Variants in NAALADL2 observed in about 807,000 individuals in gnomAD.
NAALADL2 encodes the protein N-acetylated alpha-linked acidic dipeptidase like 2.
Under a neutral mutation model 87.2 loss-of-function variants are expected in NAALADL2, and 76 were observed. That is an observed-to-expected ratio of 0.87 (90% CI 0.72 to 1.05). NAALADL2 has a LOEUF of 1.05. Among genes scored for constraint, NAALADL2 ranks in the 50% least tolerant of loss-of-function variants. The pLI, the probability that NAALADL2 is intolerant of heterozygous loss-of-function variation, is 0.00. For missense variants in NAALADL2, 1,089 were observed against 945.8 expected (o/e 1.15, Z -1.99); for synonymous variants, 354 against 331.0 (o/e 1.07, Z -0.75).
At chr3:175,516,751 G>A (rs1382203060) in intron 9 of NAALADL2, among the ~76,000 whole-genome samples, 8 of 152,122 alleles carry the variant, frequency 5.3e-5, no homozygotes, top group Non-Finnish European at 8.8e-5. Flanking sequence ...ATTTTATTCA[G>A]TTTTAATGAT....
intron 5 of NAALADL2, among the ~76,000 whole-genome samples, chr3:175,394,760 G>A (rs139422398): frequency 3.3e-5 from 5 of 152,232 alleles, no homozygotes; most frequent in Middle Eastern, 3.4e-3. Flanking sequence ...CAATCAGCAC[G>A]TTTCTGTTCA....
At chr3:175,290,450 G>A (rs1755514728) in intron 4 of NAALADL2, among the ~76,000 whole-genome samples, 1 of 152,102 alleles carries the variant, frequency 6.6e-6, no homozygotes, top group Admixed American at 6.6e-5. Context: ...TGGCAGTTGG[G>A]GTATTGACAG....
At chr3:174,858,468 T>G (rs905287621), upstream of NAALADL2, among the ~76,000 whole-genome samples, 1 of 152,082 alleles carries the variant, frequency 6.6e-6, no homozygotes, top group Non-Finnish European at 1.5e-5. Flanking sequence ...TAAGTTAATA[T>G]TCACCATGCT....
At chr3:174,984,299 G>A (rs1745522607) in intron 1 of NAALADL2, among the ~76,000 whole-genome samples, 1 of 152,130 alleles carries the variant, frequency 6.6e-6, no homozygotes, top group South Asian at 2.1e-4. Flanking sequence ...TTTGCTCAGG[G>A]ATCAGATGGT....
intron 11 of NAALADL2, among the ~76,000 whole-genome samples, chr3:175,679,192 A>G (rs1475636130): frequency 1.3e-5 from 2 of 151,286 alleles, no homozygotes; most frequent in African/African-American, 4.8e-5. Flanking sequence ...GGCCATCTGG[A>G]TGTATACCTG....
intron 11 of NAALADL2, among the ~76,000 whole-genome samples, chr3:175,635,056 G>A (rs898941166): frequency 5.9e-5 from 9 of 152,196 alleles, no homozygotes; most frequent in African/African-American, 1.4e-4. Context: ...ATATAGGTGT[G>A]TGTATTTTCC....
rs1176887571 is a variant in NAALADL2 at position 175,114,247 on chromosome 3, T to A, written c.545+16956T>A. Among the ~76,000 whole-genome samples the A allele has an allele frequency of 3.3e-5, 5 of 151,624 alleles. No homozygotes were observed. In the East Asian group the frequency reaches 7.8e-4, roughly 24 times the overall value. On this transcript the variant is annotated intron_variant, in intron 2 of 13. Coordinates refer to ENST00000454872, the MANE Select transcript of NAALADL2 (RefSeq NM_207015.3). ...CTCTGGAGAAAGAGAAGAATTCTCA[T>A]TGGAGGACTATTAAATCACGTGGAT...
At chr3:174,961,727 C>T (rs939488450) in intron 1 of NAALADL2, among the ~76,000 whole-genome samples, 4 of 152,060 alleles carry the variant, frequency 2.6e-5, no homozygotes, top group South Asian at 4.1e-4. Context: ...CTGGCAGGCT[C>T]GTGTCCCATC....
In NAALADL2 at chr3:175,258,426, G is replaced by C. The variant is rs1209957385; in HGVS notation, c.939+1896G>C. ...GTGTATGTATACTTGCCTGTGTGGG[G>C]TGGAGTGGTGGGAGCTAGAATACAT... On this transcript the variant is annotated intron_variant, in intron 4 of 13. Transcript: ENST00000454872. Among the ~76,000 whole-genome samples, 3 of 152,050 alleles carry C rather than the reference G, an allele frequency of 2.0e-5. No homozygotes were observed. In the South Asian group the frequency reaches 6.2e-4, roughly 31 times the overall value.
intron 2 of NAALADL2, among the ~76,000 whole-genome samples, chr3:175,157,309 T>C (rs1732473998): frequency 6.6e-6 from 1 of 152,130 alleles, no homozygotes; most frequent in Non-Finnish European, 1.5e-5. Flanking sequence ...GAATTTTAAA[T>C]TAAATATGAG....
intron 3 of NAALADL2, among the ~76,000 whole-genome samples, chr3:174,817,724 C>G (rs1412301025): frequency 6.6e-6 from 1 of 152,112 alleles, no homozygotes; most frequent in Non-Finnish European, 1.5e-5. Context: ...TTTTATCACT[C>G]TCCTTAGACT....
intron 1 of NAALADL2, among the ~76,000 whole-genome samples, chr3:174,931,759 G>A (rs9825419): frequency 0.26 from 39,017 of 152,008 alleles, 5,385 homozygotes; most frequent in East Asian, 0.46. Flanking sequence ...TTAAAAGATC[G>A]TTGCAAGCAT....
chr3:174,523,504 A>G (rs1720459135), intron 1 of NAALADL2: 1 of 152,206 alleles, frequency 6.6e-6, no homozygotes, highest in Non-Finnish European at 1.5e-5. Flanking sequence ...TTGTATCTAC[A>G]TCTCTTACAC....
At chr3:175,058,003 A>G (rs1712586769) in intron 1 of NAALADL2, among the ~76,000 whole-genome samples, 1 of 152,186 alleles carries the variant, frequency 6.6e-6, no homozygotes, top group Non-Finnish European at 1.5e-5. Flanking sequence ...AAATGCATCC[A>G]ATTAATTAAG....
chr3:175,658,863 T>G (rs1731868257), intron 11 of NAALADL2, among the ~76,000 whole-genome samples: 1 of 152,134 alleles, frequency 6.6e-6, no homozygotes, highest in Non-Finnish European at 1.5e-5. Flanking sequence ...CACAAATAAT[T>G]ATTCTTAGTA....
chr3:174,885,895 T>G (rs1730064392), intron 1 of NAALADL2, among the ~76,000 whole-genome samples: 1 of 29,002 alleles, frequency 3.4e-5, no homozygotes, highest in Non-Finnish European at 6.4e-5. Context: ...TTTTTTTTTT[T>G]TTTTTTTTTT....
rs1040885651 is a variant in NAALADL2 at position 175,169,602 on chromosome 3, G to A, written c.546-64329G>A. ...TTCAATGTGATATTCTCATTTTGTA[G>A]TTCTTTTTTTCCAATTCTGAGTTTT... On this transcript the variant is annotated intron_variant, in intron 2 of 13. Transcript: ENST00000454872. Among the ~76,000 whole-genome samples the A allele has an allele frequency of 1.4e-4, 21 of 151,646 alleles. 1 individual carries two copies. The highest frequency in any genetic ancestry group is 9.2e-4 in the Admixed American group (14 of 15,172).
At chr3:175,761,899 A>G (rs1228484200) in intron 13 of NAALADL2, among the ~76,000 whole-genome samples, 1 of 152,126 alleles carries the variant, frequency 6.6e-6, no homozygotes, top group Non-Finnish European at 1.5e-5. Flanking sequence ...TTGGACACCA[A>G]TCCTCTATTA....
intron 1 of NAALADL2, among the ~76,000 whole-genome samples, chr3:174,460,025 C>T (rs1230053129): frequency 2.0e-5 from 3 of 152,096 alleles, no homozygotes; most frequent in Non-Finnish European, 2.9e-5. Context: ...AAACAGTCTT[C>T]TCTTCTTCAA....
Sources: allele counts gnomAD v4.1 joint callset (sites outside exome capture counted in the v4.1 genomes callset), GRCh38; gene constraint gnomAD v4.1.1; transcripts MANE v1.5; gene names NCBI Gene and HGNC (gene_info 2026-07-23, HGNC 2026-07-21).